The following PNPLA7 variants were observed in gnomAD, a reference collection of about 807,000 sequenced individuals.
PNPLA7 encodes the protein patatin-like phospholipase domain-containing protein 7.
Under a neutral mutation model 161.7 loss-of-function variants are expected in PNPLA7, and 153 were observed. The ratio of observed to expected loss-of-function variants is 0.95; its 90% CI spans 0.83 to 1.08. The LOEUF is 1.08. PNPLA7 is among the 50% of genes least tolerant of loss of function. PNPLA7 has a pLI of 0.00. For missense variants in PNPLA7, 1,739 were observed against 1,856.6 expected, an observed-to-expected ratio of 0.94 and a Z score of 1.16; for synonymous variants, 809 against 782.1, an observed-to-expected ratio of 1.03 and a Z score of -0.57.
At chr9:137,512,637 GT>G (rs1834300600) in intron 12 of PNPLA7, among the ~76,000 whole-genome samples, 1 of 152,170 alleles carries the variant, frequency 6.6e-6, no homozygotes. Context: ...ACCATCACTA[GT>G]TAATAAACAA....
intron 30 of PNPLA7, 92 bp downstream of exon 30, chr9:137,462,593 C>A: frequency 1.3e-6 from 2 of 1,518,270 alleles, no homozygotes; most frequent in Non-Finnish European, 1.8e-6. Flanking sequence ...CCTCAGAGCC[C>A]AGGAGCGACC....
chr9:137,462,136 G>C (rs372911107), intron 31 of PNPLA7, 43 bp downstream of exon 31: 1 of 1,533,232 alleles, frequency 6.5e-7, no homozygotes, highest in Non-Finnish European at 8.8e-7. Flanking sequence ...AGCCACCAGA[G>C]TGCCTCCGCC....
rs1381491783 is a variant in PNPLA7, at chr9:137,468,870, AATTTT to A, written c.2883-1402_2883-1398del. ...GATACTCAAAAATGGTTAAGTGGTA[AATTTT>A]ATGTTATGTATATTTTAACATAATA... On this transcript the variant is annotated intron_variant, in intron 25 of 34. Transcript: ENST00000406427. This position sits in a 1 kb window ranked among gnomAD's most constrained non-coding sequence, Gnocchi z 4.0. Among the ~76,000 whole-genome samples, 2 of 152,154 alleles carry A rather than the reference AATTTT, an allele frequency of 1.3e-5. No individual in the cohort carries two copies. Among genetic ancestry groups the A allele is most frequent in the Non-Finnish European group, 2.9e-5 (2 of 68,014 alleles).
chr9:137,509,424 C>CGTGAGTGAGTTTAGCTGGT (rs1834093117), intron 12 of PNPLA7: 1 of 197,164 alleles, frequency 5.1e-6, no homozygotes, highest in South Asian at 7.2e-5. Flanking sequence ...GTTTAGCTGG[C>CGTGAGTGAGTTTAGCTGGT]ATGAGTGAGT....
At chr9:137,495,467 G>A (rs558719621) in intron 18 of PNPLA7, among the ~76,000 whole-genome samples, 3 of 151,722 alleles carry the variant, frequency 2.0e-5, no homozygotes, top group South Asian at 2.1e-4. Flanking sequence ...TCTTGGAGAC[G>A]GAGTCTCATT....
chr9:137,506,830 A>C (rs936769400), intron 12 of PNPLA7, among the ~76,000 whole-genome samples: 11 of 152,266 alleles, frequency 7.2e-5, no homozygotes, highest in Non-Finnish European at 1.6e-4. Flanking sequence ...ACGCACTTCC[A>C]GGCACAGATC....
rs754845877 is a variant in PNPLA7, at chr9:137,495,028, C to G, written c.2127+5G>C. On this transcript the variant is annotated splice_donor_5th_base_variant and intron_variant, in intron 19 of 34. Coordinates refer to ENST00000406427, the MANE Select transcript of PNPLA7 (RefSeq NM_001098537.3). ...GCTCCGCATCCTCACCCACGCCATG[C>G]TCACCTGTGGGTACCTGCGCTTGAT... The G allele has an allele frequency of 3.1e-6, 5 of 1,605,116 alleles. No individual in the cohort carries two copies. In the South Asian group the frequency reaches 5.5e-5, roughly 18 times the overall value.
intron 17 of PNPLA7, 52 bp downstream of exon 17, chr9:137,498,062 C>T: frequency 6.3e-7 from 1 of 1,584,768 alleles, no homozygotes; most frequent in Admixed American, 1.7e-5. Context: ...ATCCCCAGCT[C>T]CTGCATGCCA....
At chr9:137,461,152 G>C (rs984692410) in intron 33 of PNPLA7, 16 of 326,672 alleles carry the variant, frequency 4.9e-5, no homozygotes, top group Middle Eastern at 9.1e-4. Flanking sequence ...AGGCCCAAGC[G>C]CAGGGCCCTG....
intron 12 of PNPLA7, among the ~76,000 whole-genome samples, chr9:137,507,371 G>A (rs573849149): frequency 6.2e-4 from 94 of 152,322 alleles, no homozygotes; most frequent in African/African-American, 2.2e-3. Flanking sequence ...CACCTTGTAC[G>A]TCAACAAGCA....
intron 24 of PNPLA7, 68 bp downstream of exon 24, chr9:137,478,988 A>G: frequency 1.4e-6 from 2 of 1,456,926 alleles, no homozygotes; most frequent in Non-Finnish European, 1.8e-6. Flanking sequence ...GAATGTGAAG[A>G]ATGCTTCGAA....
At chr9:137,483,792 C>T (rs1832338680) in intron 21 of PNPLA7, among the ~76,000 whole-genome samples, 1 of 152,044 alleles carries the variant, frequency 6.6e-6, no homozygotes, top group Non-Finnish European at 1.5e-5. Flanking sequence ...TTTATAGTAG[C>T]ATCTTTCTAT....
rs757040430 is a variant in PNPLA7, at chr9:137,543,490, A to G, written c.448T>C (p.Phe150Leu). The change falls in exon 6 of 35, where the codon TTT becomes CTT. Residue 150 changes from phenylalanine to leucine, a missense_variant. Coordinates refer to ENST00000406427, the MANE Select transcript of PNPLA7 (RefSeq NM_001098537.3). The surrounding 1 kb of genome is among the most constrained non-coding windows in gnomAD (Gnocchi z 6.9). The stretch of plus-strand genomic sequence containing the variant: ...GGCAGGTGAGAATTCTTCACGTCAA[A>G]CTCCGTGAGGTCGGCCTCCAGCAGG... The part of the protein sequence containing the change: ...PSLLEADLTE[F>L]DVKNSHLPSE... 1.2e-6 allele frequency: 2 copies of G among 1,613,908 alleles called. No homozygotes were observed. Among genetic ancestry groups the G allele is most frequent in the East Asian group, 4.5e-5 (2 of 44,866 alleles).
Position 137,468,913 on chromosome 9 carries a change from T to C in PNPLA7, c.2883-1440A>G, listed in dbSNP as rs145408676. Among the ~76,000 whole-genome samples the C allele has an allele frequency of 6.6e-6, 1 of 152,264 alleles. No homozygotes were observed. Among genetic ancestry groups the C allele is most frequent in the Admixed American group, 6.5e-5 (1 of 15,290 alleles). ...TTTTAACATAATAAAAAAAACCATA[T>C]GTAATACTGCCACAGAATATTACTC... is the stretch of plus-strand genomic sequence containing the variant. On this transcript the variant is annotated intron_variant, in intron 25 of 34. Transcript: ENST00000406427. This position sits in a 1 kb window ranked among gnomAD's most constrained non-coding sequence, Gnocchi z 4.0.
rs1289987078 is a variant in PNPLA7 at position 137,463,492 on chromosome 9, G to A, written c.3266C>T (p.Ser1089Phe). Reference sequence around the variant, plus strand: ...GTCACAGAGAGGGGGCATGTAACCGGACAGGGACATGCTGGCACGCACGTA... The same window carrying A: ...GTCACAGAGAGGGGGCATGTAACCGAACAGGGACATGCTGGCACGCACGTA... ...WWYVRASMSL[S>F]GYMPPLCDPK... is the part of the protein sequence containing the mutation. The change falls in exon 29 of 35, where the codon TCC (serine) becomes TTC (phenylalanine). Residue 1089 changes from serine (S) to phenylalanine (F), a missense_variant. Physicochemically the swap from Ser to Phe is radical, Grantham distance 155. Transcript: ENST00000406427. The A allele has an allele frequency of 6.3e-7, 1 of 1,590,240 alleles. No individual in the cohort carries two copies. Among genetic ancestry groups the A allele is most frequent in the Non-Finnish European group, 8.6e-7 (1 of 1,168,588 alleles).
At chr9:137,471,371 C>T (rs546711271) in intron 25 of PNPLA7, among the ~76,000 whole-genome samples, 115 of 152,144 alleles carry the variant, frequency 7.6e-4, no homozygotes, top group South Asian at 4.0e-3. Flanking sequence ...GAGGCCAAGG[C>T]GGGCGGATCA....
chr9:137,461,171 A>T, intron 33 of PNPLA7: 1 of 339,518 alleles, frequency 2.9e-6, no homozygotes, highest in East Asian at 6.0e-5. Context: ...TGGATGGAGC[A>T]TGGAGGGTAG....
At chr9:137,487,928 G>A (rs886630662) in intron 20 of PNPLA7, among the ~76,000 whole-genome samples, 1 of 152,260 alleles carries the variant, frequency 6.6e-6, no homozygotes, top group Non-Finnish European at 1.5e-5. Flanking sequence ...CTGCAGCTGA[G>A]CCTTGGCCAC....
chr9:137,513,891 C>T lies in PNPLA7; in HGVS notation c.1225+1488G>A, dbSNP rs1245009418. 7.9e-5 allele frequency among the ~76,000 whole-genome samples: 12 copies of T among 152,362 alleles called. No homozygotes were observed. The East Asian group carries it at 1.7e-3, about 22-fold the overall frequency. On this transcript the variant is annotated intron_variant, in intron 12 of 34. Transcript: ENST00000406427. ...ATACGACCAGACAATCTGAGAGGGA[C>T]GCCCAGATGGAACCGAATACAGCAG...
Sources: gnomAD v4.1 joint callset for allele counts (sites outside exome capture counted in the v4.1 genomes callset) on GRCh38, gnomAD v4.1.1 for gene constraint, Gnocchi (gnomAD v3.1) non-coding constraint, MANE v1.5 for transcripts, NCBI Gene and HGNC (gene_info 2026-07-23, HGNC 2026-07-21) for gene names.